The following DENND3 variants were observed in gnomAD, a reference collection of about 807,000 sequenced individuals.
DENND3 encodes the protein DENN domain containing 3.
In DENND3, 88 loss-of-function variants were observed where a neutral mutation model predicts 135.1. The ratio of observed to expected loss-of-function variants is 0.65; its 90% CI spans 0.55 to 0.78. The LOEUF is 0.78. DENND3 is among the 30% of genes least tolerant of loss of function. The pLI, the probability that DENND3 is intolerant of heterozygous loss-of-function variation, is 0.00. For synonymous variants in DENND3, 693 were observed against 712.3 expected, an observed-to-expected ratio of 0.97 and a Z score of 0.43; for missense variants, 1,392 against 1,688.4, an observed-to-expected ratio of 0.82 and a Z score of 3.08.
At chr8:141,170,359 G>A (rs936222153) in intron 13 of DENND3, among the ~76,000 whole-genome samples, 1 of 152,148 alleles carries the variant, frequency 6.6e-6, no homozygotes, top group African/African-American at 2.4e-5. Flanking sequence ...CCGAGTGTGT[G>A]TATGAGTGTG....
chr8:141,142,944 T>C (rs1817638422), intron 4 of DENND3: 1 of 154,374 alleles, frequency 6.5e-6, no homozygotes, highest in Non-Finnish European at 1.4e-5. Flanking sequence ...TGACCTTTCA[T>C]AGTGTGATTG....
chr8:141,192,710 T>C, intron 22 of DENND3, 47 bp downstream of exon 22: 1 of 1,608,442 alleles, frequency 6.2e-7, no homozygotes, highest in South Asian at 1.1e-5. Flanking sequence ...CAGGTCTCGC[T>C]TGCCCTGGCC....
At chr8:141,190,497 C>T in intron 20 of DENND3, 80 bp downstream of exon 20, 1 of 1,468,560 alleles carries the variant, frequency 6.8e-7, no homozygotes, top group Non-Finnish European at 9.0e-7. Flanking sequence ...AGCAGAAAGC[C>T]TCTTTCCTTT....
intron 13 of DENND3, among the ~76,000 whole-genome samples, chr8:141,169,703 G>A (rs307736): frequency 0.39 from 59,770 of 152,120 alleles, 12,669 homozygotes; most frequent in African/African-American, 0.56. Flanking sequence ...TGCACCTGAC[G>A]CGGTACCTAG....
chr8:141,169,905 C>T (rs1358465868), intron 13 of DENND3, among the ~76,000 whole-genome samples: 1 of 152,234 alleles, frequency 6.6e-6, no homozygotes, highest in Non-Finnish European at 1.5e-5. Flanking sequence ...CCTGTTTCAC[C>T]ATCAGTGGTG....
rs981795850 is a variant in DENND3, at chr8:141,168,121, C to T, written c.1871C>T (p.Ala624Val). 6.2e-7 allele frequency: 1 copy of T among 1,614,210 alleles called. No homozygotes were observed. The highest frequency in any genetic ancestry group is 8.5e-7 in the Non-Finnish European group (1 of 1,180,036). Residue 624 changes from alanine to valine, a missense_variant, in exon 13 of 23, where the codon GCC (alanine) becomes GTC (valine). Ala to Val is a moderately conservative substitution (Grantham distance 64). Coordinates refer to ENST00000519811, the MANE Select transcript of DENND3 (RefSeq NM_001352890.3). The surrounding 1 kb of genome is among the most constrained non-coding windows in gnomAD (Gnocchi z 6.2). Reference protein sequence around the residue: ...HAHFVSMLSEAMCFLAPDNSL... With the variant: ...HAHFVSMLSEVMCFLAPDNSL... ...CACTTTGTCTCCATGCTGAGCGAGG[C>T]CATGTGCTTTCTGGCCCCCGATAAC...
intron 8 of DENND3, chr8:141,157,759 C>CTTTTTTTTTTTTTTTTTTTTTTT (rs374868733): frequency 1.5e-6 from 1 of 648,528 alleles, no homozygotes; most frequent in African/African-American, 2.1e-5. Flanking sequence ...AAAACTACCT[C>CTTTTTTTTTTTTTTTTTTTTTTT]TTTTTTTTTT....
At chr8:141,171,877 C>T (rs1821619574) in intron 13 of DENND3, among the ~76,000 whole-genome samples, 1 of 146,422 alleles carries the variant, frequency 6.8e-6, no homozygotes, top group East Asian at 2.1e-4. Flanking sequence ...TGTTGGTGTG[C>T]ATGGTGATGG....
chr8:141,158,123 G>C (rs754406038), intron 8 of DENND3: 1 of 1,271,184 alleles, frequency 7.9e-7, no homozygotes, highest in South Asian at 1.3e-5. Context: ...AAAGCCAAGC[G>C]ATGGTCCTGC....
chr8:141,159,691 C>T (rs1372502316), intron 8 of DENND3, among the ~76,000 whole-genome samples: 1 of 152,230 alleles, frequency 6.6e-6, no homozygotes, highest in Non-Finnish European at 1.5e-5. Context: ...TATGTGTGAC[C>T]AGATATGCGT....
Position 141,167,838 on chromosome 8 carries a change from G to A in DENND3, c.1754-166G>A, listed in dbSNP as rs1214619591. Among the ~76,000 whole-genome samples, 1 of 152,178 alleles carries A rather than the reference G, an allele frequency of 6.6e-6. No individual in the cohort carries two copies. Among genetic ancestry groups the A allele is most frequent in the Non-Finnish European group, 1.5e-5 (1 of 68,028 alleles). On this transcript the variant is annotated intron_variant, in intron 12 of 22. Coordinates refer to ENST00000519811, the MANE Select transcript of DENND3 (RefSeq NM_001352890.3). The surrounding 1 kb of genome is among the most constrained non-coding windows in gnomAD (Gnocchi z 4.1). ...GGAAGCAAAGTGAGGGTTCTCTCATGCCTCCCAGGGGGGTGGGTGTGTGGA... is the reference window on the plus strand; with the variant it reads ...GGAAGCAAAGTGAGGGTTCTCTCATACCTCCCAGGGGGGTGGGTGTGTGGA...
chr8:141,176,588 C>A lies in DENND3; in HGVS notation c.2536-3C>A. On this transcript the variant is annotated splice_region_variant and splice_polypyrimidine_tract_variant and intron_variant, in intron 14 of 22. Transcript: ENST00000519811. ...TCCTAACTTTTCTTTTCTGCCTCTG[C>A]AGGAGGTCAGGAGAACCACTACTAC... The A allele has an allele frequency of 6.2e-7, 1 of 1,614,238 alleles. No homozygotes were observed.
rs769363912 is a variant in DENND3 at position 141,175,472 on chromosome 8, C to T, written c.2535+13C>T. On this transcript the variant is annotated intron_variant, in intron 14 of 22. Coordinates refer to ENST00000519811, the MANE Select transcript of DENND3 (RefSeq NM_001352890.3). The surrounding 1 kb of genome is among the most constrained non-coding windows in gnomAD (Gnocchi z 5.4). Reference sequence around the variant, plus strand: ...CAGAAATATAGAGGTAAGGACAGCACAGGCAGACGGCGCCAGACCCCACCT... The same window carrying T: ...CAGAAATATAGAGGTAAGGACAGCATAGGCAGACGGCGCCAGACCCCACCT... 4.3e-6 allele frequency: 7 copies of T among 1,614,020 alleles called. No individual in the cohort carries two copies. Among genetic ancestry groups the T allele is most frequent in the East Asian group, 2.2e-5 (1 of 44,896 alleles).
At chr8:141,136,968 A>G (rs936765697) in intron 2 of DENND3, among the ~76,000 whole-genome samples, 177 bp downstream of exon 2, 3 of 151,696 alleles carry the variant, frequency 2.0e-5, no homozygotes, top group African/African-American at 7.3e-5. Flanking sequence ...TTAATTTTTT[A>G]TATTTATTTA....
chr8:141,155,890 C>A lies in DENND3; in HGVS notation c.1116C>A (p.Ser372Arg). Reference sequence around the variant, plus strand: ...TTCTGATAAATATTGATCATGGGAGCATCACCTACTCCAAGTCCACGGACG... The same window carrying A: ...TTCTGATAAATATTGATCATGGGAGAATCACCTACTCCAAGTCCACGGACG... ...GLVLINIDHGSITYSKSTDDN... is the reference protein window; with the variant it reads ...GLVLINIDHGRITYSKSTDDN... The change falls in exon 8 of 23, where the codon AGC becomes AGA. Residue 372 changes from serine (S) to arginine (R), a missense_variant. Transcript: ENST00000519811. The A allele has an allele frequency of 6.2e-7, 1 of 1,612,840 alleles. No individual in the cohort carries two copies. The highest frequency in any genetic ancestry group is 8.5e-7 in the Non-Finnish European group (1 of 1,179,260).
rs1330917645 is a variant in DENND3 at position 141,174,546 on chromosome 8, T to C, written c.2276-654T>C. Among the ~76,000 whole-genome samples, 1 of 152,152 alleles carries C rather than the reference T, an allele frequency of 6.6e-6. No individual in the cohort carries two copies. Among genetic ancestry groups the C allele is most frequent in the Non-Finnish European group, 1.5e-5 (1 of 68,012 alleles). ...TTCGTTCCGCGACTTGCCAGGAGTC[T>C]CTGTGAAAGGTCGTGAAGCGGGCTT... On this transcript the variant is annotated intron_variant, in intron 13 of 22. Transcript: ENST00000519811. The surrounding 1 kb of genome is among the most constrained non-coding windows in gnomAD (Gnocchi z 4.6).
rs1034164931 is a variant in DENND3, at chr8:141,174,565, C to T, written c.2276-635C>T. Among the ~76,000 whole-genome samples, 3 of 152,150 alleles carry T rather than the reference C, an allele frequency of 2.0e-5. No homozygotes were observed. The highest frequency in any genetic ancestry group is 1.9e-4 in the East Asian group (1 of 5,196). ...GGAGTCTCTGTGAAAGGTCGTGAAG[C>T]GGGCTTCAGGCTCAGGCTCCTCTGA... On this transcript the variant is annotated intron_variant, in intron 13 of 22. Coordinates refer to ENST00000519811, the MANE Select transcript of DENND3 (RefSeq NM_001352890.3). This position sits in a 1 kb window ranked among gnomAD's most constrained non-coding sequence, Gnocchi z 4.6.
Position 141,141,589 on chromosome 8 carries a change from T to G in DENND3, c.623+265T>G. On this transcript the variant is annotated intron_variant, in intron 4 of 22. Transcript: ENST00000519811. This position sits in a 1 kb window ranked among gnomAD's most constrained non-coding sequence, Gnocchi z 5.3. Reference sequence around the variant, plus strand: ...CTGGTAACATACGGTAATGGCATGGTAGGAAAGGGATGAAGCCACACTGTC... The same window carrying G: ...CTGGTAACATACGGTAATGGCATGGGAGGAAAGGGATGAAGCCACACTGTC... 2.1e-6 allele frequency: 1 copy of G among 485,388 alleles called. No individual in the cohort carries two copies. The highest frequency in any genetic ancestry group is 3.7e-6 in the Non-Finnish European group (1 of 267,890). The allele number at this position is 485,388 out of a possible 1,614,324, so 30.1% of individuals were successfully genotyped here.
intron 13 of DENND3, among the ~76,000 whole-genome samples, chr8:141,171,823 G>A (rs1821611104): frequency 6.7e-6 from 1 of 149,278 alleles, no homozygotes. Context: ...AGTGGCCGTG[G>A]GTGTGCACTG....
Sources: allele counts gnomAD v4.1 joint callset (sites outside exome capture counted in the v4.1 genomes callset), GRCh38; gene constraint gnomAD v4.1.1; non-coding constraint Gnocchi (gnomAD v3.1); transcripts MANE v1.5; gene names NCBI Gene and HGNC (gene_info 2026-07-23, HGNC 2026-07-21).